The following MPDZ variants were observed in gnomAD, a reference collection of about 807,000 sequenced individuals.
The protein encoded by MPDZ is multiple PDZ domain protein.
In MPDZ, 234 loss-of-function variants were observed where a neutral mutation model predicts 239.1. That is an observed-to-expected ratio of 0.98 (90% confidence interval 0.88 to 1.09). The LOEUF is 1.09. Ranked by LOEUF, MPDZ falls within the 50% of genes least tolerant of loss-of-function variation. The pLI is 0.00. For synonymous variants in MPDZ, 1,048 were observed against 881.3 expected (o/e 1.19, Z -3.35); for missense variants, 3,175 against 2,510.0 (o/e 1.26, Z -5.66).
At chr9:13,189,194 A>G (rs1417235115) in intron 16 of MPDZ, among the ~76,000 whole-genome samples, 1 of 152,170 alleles carries the variant, frequency 6.6e-6, no homozygotes, top group East Asian at 1.9e-4. Context: ...AAGTCACCTT[A>G]AACAATGGCA....
intron 21 of MPDZ, among the ~76,000 whole-genome samples, chr9:13,172,264 A>T (rs1951868012): frequency 6.6e-6 from 1 of 152,196 alleles, no homozygotes; most frequent in African/African-American, 2.4e-5. Flanking sequence ...TGGGCATAGC[A>T]TATCAATAAT....
chr9:13,189,099 T>A, intron 16 of MPDZ, 106 bp from the exon 17 acceptor site: 1 of 966,834 alleles, frequency 1.0e-6, no homozygotes, highest in Non-Finnish European at 1.5e-6. Flanking sequence ...CAAGTGCCTT[T>A]AAAAATTTTC....
chr9:13,111,184 G>T (rs1485684845), intron 43 of MPDZ, among the ~76,000 whole-genome samples: 1 of 152,216 alleles, frequency 6.6e-6, no homozygotes, highest in Admixed American at 6.5e-5. Context: ...AAGTCTGGTT[G>T]GAAGACAGCC....
chr9:13,113,587 A>T (rs547752362), intron 41 of MPDZ, among the ~76,000 whole-genome samples: 2 of 152,322 alleles, frequency 1.3e-5, no homozygotes, highest in South Asian at 4.1e-4. Flanking sequence ...TGCAATCTTC[A>T]TGGAAAAAGA....
intron 39 of MPDZ, among the ~76,000 whole-genome samples, chr9:13,117,385 G>A (rs1019097146): frequency 6.6e-6 from 1 of 152,064 alleles, no homozygotes; most frequent in Non-Finnish European, 1.5e-5. Flanking sequence ...CAAAAAATTA[G>A]CTGGGCGTGG....
intron 42 of MPDZ, 68 bp downstream of exon 42, chr9:13,112,942 AC>A (rs1450129802): frequency 2.2e-6 from 3 of 1,387,268 alleles, no homozygotes; most frequent in Non-Finnish European, 3.0e-6. Context: ...AAGAAAGTTA[AC>A]AAGAAAACAC....
Position 13,136,701 on chromosome 9 carries a change from A to C in MPDZ, c.4292+11T>G. 4 of 1,510,146 alleles carry C rather than the reference A, an allele frequency of 2.6e-6. No individual in the cohort carries two copies. The highest frequency in any genetic ancestry group is 3.6e-6 in the Non-Finnish European group (4 of 1,099,486). The allele number at this position is 1,510,146 out of a possible 1,614,324, so 93.5% of individuals were successfully genotyped here. Reference sequence around the variant, plus strand: ...AAAGTATTTGGTAAACTAGCAAAAGAAAATGATCACCTGATAAAAATTATT... The same window carrying C: ...AAAGTATTTGGTAAACTAGCAAAAGCAAATGATCACCTGATAAAAATTATT... On this transcript the variant is annotated intron_variant, in intron 30 of 46. Coordinates refer to ENST00000319217, the MANE Select transcript of MPDZ (RefSeq NM_001378778.1).
At chr9:13,220,217 T>C (rs1046875504) in intron 7 of MPDZ, among the ~76,000 whole-genome samples, 14 of 151,990 alleles carry the variant, frequency 9.2e-5, no homozygotes, top group Non-Finnish European at 4.4e-5. Flanking sequence ...GCTATTTCTA[T>C]TATAAATGTC....
At position 13,107,028 on chromosome 9, in the gene MPDZ, A is replaced by G. The variant is rs760833223; in HGVS notation, c.6150T>C (p.His2050=). Reference sequence around the variant, plus strand: ...GTTTAAGGATGGCAACAGCTTCTTCATGGGTGACTCCTTCTAGACTCTGCC... The same window carrying G: ...GTTTAAGGATGGCAACAGCTTCTTCGTGGGTGACTCCTTCTAGACTCTGCC... ...VNGQSLEGVT[H]EEAVAILKRT... Residue 2050 remains histidine (H), a synonymous_variant, in exon 47 of 47, where the codon CAT becomes CAC. Transcript: ENST00000319217. 4 of 1,613,278 alleles carry G rather than the reference A, an allele frequency of 2.5e-6. No homozygotes were observed. The highest frequency in any genetic ancestry group is 3.4e-6 in the Non-Finnish European group (4 of 1,179,462).
chr9:13,133,745 C>G, intron 32 of MPDZ, 79 bp downstream of exon 32: 1 of 1,019,452 alleles, frequency 9.8e-7, no homozygotes, highest in Non-Finnish European at 1.5e-6. Flanking sequence ...CTGGAGACCA[C>G]ACTTTTGAGA....
chr9:13,107,122 T>C lies in MPDZ; in HGVS notation c.6067-11A>G, dbSNP rs138137628. ...TTCAGAGGCTGCTCCCTGCAAATTATAAAGTAGACTTGTTTATTTCTCAAA... is the reference window on the plus strand; with the variant it reads ...TTCAGAGGCTGCTCCCTGCAAATTACAAAGTAGACTTGTTTATTTCTCAAA... On this transcript the variant is annotated splice_polypyrimidine_tract_variant and intron_variant, in intron 46 of 46. Coordinates refer to ENST00000319217, the MANE Select transcript of MPDZ (RefSeq NM_001378778.1). 4.7e-3 allele frequency: 7,261 copies of C among 1,550,960 alleles called. 17 individuals carry two copies. The highest frequency in any genetic ancestry group is 5.5e-3 in the Admixed American group (313 of 56,752).
Position 13,109,839 on chromosome 9 carries a change from C to T in MPDZ, c.5942+113G>A, listed in dbSNP as rs1586848368. ...ATGTATAATTCACACTTCATATATC[C>T]TATCATTTTACCTGTACGTAATTCC... On this transcript the variant is annotated intron_variant, in intron 45 of 46. Transcript: ENST00000319217. 3.8e-6 allele frequency: 3 copies of T among 791,702 alleles called. No homozygotes were observed. In the East Asian group the frequency reaches 8.1e-5, roughly 21 times the overall value. The allele number at this position is 791,702 out of a possible 1,614,324, so 49.0% of individuals were successfully genotyped here. A position where few individuals can be genotyped will look rare whatever the true frequency, so the allele number is the denominator to read the frequency against.
intron 21 of MPDZ, 138 bp from the exon 22 acceptor site, chr9:13,168,702 A>G: frequency 1.4e-6 from 1 of 696,252 alleles, no homozygotes; most frequent in Non-Finnish European, 2.2e-6. Flanking sequence ...TAGCAAAAAC[A>G]GGAAAAAGTG....
intron 3 of MPDZ, among the ~76,000 whole-genome samples, chr9:13,244,910 A>T (rs1020292653): frequency 6.6e-6 from 1 of 151,888 alleles, no homozygotes; most frequent in Non-Finnish European, 1.5e-5. Context: ...CTTTACTTCT[A>T]AAAAAAACAG....
chr9:13,213,332 C>T (rs1457310443), intron 10 of MPDZ, among the ~76,000 whole-genome samples: 2 of 151,758 alleles, frequency 1.3e-5, no homozygotes, highest in Non-Finnish European at 2.9e-5. Flanking sequence ...AACCTTATAA[C>T]AAAATATTTT....
chr9:13,212,698 T>A, intron 10 of MPDZ, among the ~76,000 whole-genome samples: 1 of 145,326 alleles, frequency 6.9e-6, no homozygotes. Flanking sequence ...CCAGGCCAGG[T>A]GCGGTGGCTA....
rs557455958 is a variant in MPDZ, at chr9:13,161,681, C to A, written c.3359+1010G>T. Among the ~76,000 whole-genome samples, 197 of 152,228 alleles carry A rather than the reference C, an allele frequency of 1.3e-3. 1 individual carries two copies. The highest frequency in any genetic ancestry group is 4.2e-3 in the African/African-American group (174 of 41,558). The stretch of plus-strand genomic sequence containing the variant: ...AAGAAATTTGGTAGTCAGTTGCCAG[C>A]ACAACTGAAAAACACAGGCCCACAA... On this transcript the variant is annotated intron_variant, in intron 23 of 46. Coordinates refer to ENST00000319217, the MANE Select transcript of MPDZ (RefSeq NM_001378778.1).
Position 13,123,266 on chromosome 9 carries a change from CA to C in MPDZ, c.4839del (p.Phe1613LeufsTer29), listed in dbSNP as rs754572532. 1 of 1,612,474 alleles carries C rather than the reference CA, an allele frequency of 6.2e-7. No homozygotes were observed. Among genetic ancestry groups the C allele is most frequent in the Non-Finnish European group, 8.5e-7 (1 of 1,179,348 alleles). ...ATGGGGCAGGTTGCAGGATCAGAAG[CA>C]AAAATTGCTGGTGTTGATGATCTGC... is the stretch of plus-strand genomic sequence containing the variant. Reference protein sequence around the residue: ...NTSRSSTPAIFASDPATCPII... With the variant: ...NTSRSSTPAIXASDPATCPII... On this transcript the variant is annotated frameshift_variant, in exon 36 of 47. Transcript: ENST00000319217. LOFTEE classifies it high-confidence loss of function.
chr9:13,149,511 CT>C (rs1312974724), intron 25 of MPDZ, among the ~76,000 whole-genome samples: 2 of 151,978 alleles, frequency 1.3e-5, no homozygotes, highest in African/African-American at 4.8e-5. Context: ...TCAGGTACTC[CT>C]TTCTCTATCC....
Sources: gnomAD v4.1 joint callset for allele counts (sites outside exome capture counted in the v4.1 genomes callset) on GRCh38, gnomAD v4.1.1 for gene constraint, MANE v1.5 for transcripts, NCBI Gene and HGNC (gene_info 2026-07-23, HGNC 2026-07-21) for gene names.